ROR1: variants seen among roughly 807,000 people sequenced by gnomAD.
ROR1 encodes the protein ROR family WNT receptor 1, also known as inactive tyrosine-protein kinase transmembrane receptor ROR1.
ROR1 carries 19 observed loss-of-function variants against 78.8 expected under a neutral mutation model. That is an observed-to-expected ratio of 0.24 (90% CI 0.17 to 0.35). The LOEUF is 0.35. ROR1 is among the 10% of genes least tolerant of loss of function. The pLI is 1.00. For missense variants in ROR1, 917 were observed against 1,177.8 expected (o/e 0.78, Z 3.24); for synonymous variants, 386 against 433.6 (o/e 0.89, Z 1.36).
chr1:64,061,630 C>T (rs1467149779), intron 4 of ROR1, among the ~76,000 whole-genome samples: 1 of 152,158 alleles, frequency 6.6e-6, no homozygotes, highest in Non-Finnish European at 1.5e-5. Flanking sequence ...TGCTGGTTCA[C>T]ACACTTAGAG....
intron 1 of ROR1, among the ~76,000 whole-genome samples, chr1:63,915,250 A>G (rs991773703): frequency 2.0e-5 from 3 of 152,214 alleles, no homozygotes; most frequent in Non-Finnish European, 2.9e-5. Context: ...CCTGTGGGCA[A>G]TGCAGACGTG....
chr1:64,140,522 T>G, intron 6 of ROR1, 96 bp downstream of exon 6: 1 of 1,148,216 alleles, frequency 8.7e-7, no homozygotes, highest in Non-Finnish European at 1.3e-6. Context: ...ATTTTCATAC[T>G]GTTAATCAAA....
intron 1 of ROR1, among the ~76,000 whole-genome samples, chr1:63,808,256 T>C (rs957006680): frequency 1.3e-5 from 2 of 152,138 alleles, no homozygotes; most frequent in African/African-American, 4.8e-5. Flanking sequence ...CTCCTTTTTC[T>C]CCTTCTGTTG....
intron 1 of ROR1, among the ~76,000 whole-genome samples, chr1:63,861,177 A>C (rs1363673790): frequency 2.0e-4 from 31 of 152,188 alleles, no homozygotes; most frequent in Non-Finnish European, 2.9e-5. Context: ...TTGAGTCCAG[A>C]AACTTCGATC....
At chr1:63,807,112 C>T (rs1472233840) in intron 1 of ROR1, among the ~76,000 whole-genome samples, 1 of 152,138 alleles carries the variant, frequency 6.6e-6, no homozygotes, top group East Asian at 1.9e-4. Flanking sequence ...TAAGAAATAA[C>T]CTCCAGGGAG....
rs764351262 is a variant in ROR1, at chr1:63,774,072, G to C, written c.-346G>C. ...TGGAGCAGCCGCCACCGCCGCCGCCGAGGGAGCCCCGGGACGGCAGCCCCT... is the reference window on the plus strand; with the variant it reads ...TGGAGCAGCCGCCACCGCCGCCGCCCAGGGAGCCCCGGGACGGCAGCCCCT... On this transcript the variant is annotated 5_prime_UTR_variant, in exon 1 of 9. Coordinates refer to ENST00000371079, the MANE Select transcript of ROR1 (RefSeq NM_005012.4). This position sits in a 1 kb window ranked among gnomAD's most constrained non-coding sequence, Gnocchi z 5.7. 1 of 163,308 alleles carries C rather than the reference G, an allele frequency of 6.1e-6. No homozygotes were observed. Among genetic ancestry groups the C allele is most frequent in the Non-Finnish European group, 1.3e-5 (1 of 75,892 alleles). 10.1% of individuals were successfully genotyped at this position (163,308 alleles called of 1,614,324 possible).
intron 1 of ROR1, among the ~76,000 whole-genome samples, chr1:63,800,564 A>G (rs1644790837): frequency 6.6e-6 from 1 of 152,178 alleles, no homozygotes; most frequent in African/African-American, 2.4e-5. Flanking sequence ...TGTTTCTGCC[A>G]CTGGAAGGAA....
At position 64,140,185 on chromosome 1, in the gene ROR1, C is replaced by T; in HGVS notation, c.687C>T (p.His229=). ...AGTTCGCCATTCCTTCCCTGTGCCA[C>T]TATGCCTTCCCGTACTGCGATGAAA... ...CSQFAIPSLC[H]YAFPYCDETS... The change falls in exon 6 of 9, where the codon CAC becomes CAT. Residue 229 remains histidine, a synonymous_variant. Coordinates refer to ENST00000371079, the MANE Select transcript of ROR1 (RefSeq NM_005012.4). 1 of 1,614,158 alleles carries T rather than the reference C, an allele frequency of 6.2e-7. No homozygotes were observed. The highest frequency in any genetic ancestry group is 8.5e-7 in the Non-Finnish European group (1 of 1,180,018).
At chr1:63,917,052 T>C (rs1222140967) in intron 1 of ROR1, among the ~76,000 whole-genome samples, 1 of 152,126 alleles carries the variant, frequency 6.6e-6, no homozygotes. Flanking sequence ...AAGTCAACAT[T>C]ACATATTATT....
intron 1 of ROR1, among the ~76,000 whole-genome samples, chr1:63,911,255 C>G (rs748604794): frequency 6.6e-5 from 10 of 152,110 alleles, no homozygotes; most frequent in Non-Finnish European, 1.2e-4. Flanking sequence ...TCAGTGTTCT[C>G]ATCTGTAAAA....
At chr1:63,962,039 C>A (rs1017488233) in intron 1 of ROR1, among the ~76,000 whole-genome samples, 4 of 152,134 alleles carry the variant, frequency 2.6e-5, no homozygotes, top group African/African-American at 9.7e-5. Context: ...GCAGGAGGAT[C>A]CGTTGAGCCC....
chr1:63,842,786 C>T (rs1249756976), intron 1 of ROR1, among the ~76,000 whole-genome samples: 2 of 151,774 alleles, frequency 1.3e-5, no homozygotes, highest in African/African-American at 4.8e-5. Context: ...GGGTCATCTC[C>T]ACAACATTCC....
chr1:64,003,160 T>G (rs1326076980), intron 1 of ROR1, among the ~76,000 whole-genome samples: 3 of 152,172 alleles, frequency 2.0e-5, no homozygotes, highest in Admixed American at 2.0e-4. Flanking sequence ...CTTTTGGACT[T>G]TGACAAAACC....
rs771680690 is a variant in ROR1 at position 64,140,355 on chromosome 1, C to G, written c.857C>G (p.Pro286Arg). ...AAACTGCCAAACTGTGAAGATCTCC[C>G]CCAGCCAGAGAGCCCAGAAGCTGCG... ...RLKLPNCEDL[P>R]QPESPEAANC... The change falls in exon 6 of 9, where the codon CCC (proline) becomes CGC (arginine). Residue 286 changes from proline to arginine, a missense_variant. This residue lies in a region of ROR1 where 835 missense variants were observed against 1,069.8 expected (regional missense o/e 0.78). Coordinates refer to ENST00000371079, the MANE Select transcript of ROR1 (RefSeq NM_005012.4). The G allele has an allele frequency of 1.2e-6, 2 of 1,613,174 alleles. No homozygotes were observed. Among genetic ancestry groups the G allele is most frequent in the Admixed American group, 3.3e-5 (2 of 59,930 alleles).
intron 8 of ROR1, 30 bp from the exon 9 acceptor site, chr1:64,177,398 T>G (rs919683295): frequency 6.4e-7 from 1 of 1,557,254 alleles, no homozygotes; most frequent in Non-Finnish European, 8.7e-7. Context: ...AGATATGTTT[T>G]AAACCACGTT....
chr1:63,936,769 G>A (rs1389029689), intron 1 of ROR1, among the ~76,000 whole-genome samples: 1 of 152,142 alleles, frequency 6.6e-6, no homozygotes, highest in East Asian at 1.9e-4. Context: ...TTGTAAAGTT[G>A]CTATCAGGAA....
At chr1:63,904,687 A>T (rs1645514815) in intron 1 of ROR1, among the ~76,000 whole-genome samples, 1 of 152,150 alleles carries the variant, frequency 6.6e-6, no homozygotes, top group Non-Finnish European at 1.5e-5. Flanking sequence ...GTGAGCCCTA[A>T]TCCTATTTGA....
rs149149465 is a variant in ROR1 at position 63,883,688 on chromosome 1, A to C, written c.91+109180A>C. Among the ~76,000 whole-genome samples the C allele has an allele frequency of 2.6e-5, 4 of 152,034 alleles. No individual in the cohort carries two copies. In the East Asian group the frequency reaches 7.7e-4, roughly 29 times the overall value. On this transcript the variant is annotated intron_variant, in intron 1 of 8. Transcript: ENST00000371079. ...TGCCATTGGTGACTCTCCATAACCC[A>C]TGTTGTTGTCTCTGGCCGCCAGCAC...
intron 1 of ROR1, among the ~76,000 whole-genome samples, chr1:64,005,836 T>A (rs1417893017): frequency 6.6e-6 from 1 of 152,176 alleles, no homozygotes; most frequent in Non-Finnish European, 1.5e-5. Context: ...TTTAAAATAT[T>A]TTATCTGTTT....
Sources: allele counts gnomAD v4.1 joint callset (sites outside exome capture counted in the v4.1 genomes callset), GRCh38; gene constraint gnomAD v4.1.1; regional missense constraint gnomAD v4.1.1; non-coding constraint Gnocchi (gnomAD v3.1); transcripts MANE v1.5; gene names NCBI Gene and HGNC (gene_info 2026-07-23, HGNC 2026-07-21).